Variants in TBATA observed in about 807,000 individuals in gnomAD.
TBATA encodes protein TBATA.
Under a neutral mutation model 38.7 loss-of-function variants are expected in TBATA, and 47 were observed. The ratio of observed to expected loss-of-function variants is 1.21; its 90% CI spans 0.96 to 1.55. The LOEUF is 1.55. Among genes scored for constraint, TBATA ranks in the 40% most tolerant of loss-of-function variants. The probability of loss-of-function intolerance (pLI) is 0.00; values close to 1 mark genes in which losing one functional copy is unlikely to be tolerated. For missense variants in TBATA, 436 were observed against 435.6 expected (o/e 1.00, Z -0.01); for synonymous variants, 183 against 170.5 (o/e 1.07, Z -0.57).
chr10:70,776,656 G>A (rs2254313), intron 7 of TBATA, among the ~76,000 whole-genome samples: 26,091 of 152,074 alleles, frequency 0.17, 2,663 homozygotes, highest in African/African-American at 0.27. Flanking sequence ...GACCTCTGAC[G>A]CCTTCACCCA....
chr10:70,781,751 A>T (rs1486887793), intron 4 of TBATA, 50 bp downstream of exon 4: 1 of 1,531,656 alleles, frequency 6.5e-7, no homozygotes, highest in Admixed American at 1.7e-5. Context: ...AGTTCTCAAG[A>T]CCAATTAGTG....
intron 9 of TBATA, 98 bp from the exon 10 acceptor site, chr10:70,772,664 T>A: frequency 8.0e-7 from 1 of 1,245,632 alleles, no homozygotes; most frequent in East Asian, 2.3e-5. Flanking sequence ...GTGGTGCAGG[T>A]GCAGTCAGCT....
chr10:70,774,463 T>A (rs376538725), intron 8 of TBATA, 106 bp from the exon 9 acceptor site: 8 of 1,109,192 alleles, frequency 7.2e-6, no homozygotes, highest in East Asian at 2.6e-5. Flanking sequence ...TCTCTAAGCA[T>A]CCCACCTTCT....
At chr10:70,782,159 G>T in intron 3 of TBATA, 123 bp from the exon 4 acceptor site, 1 of 1,266,566 alleles carries the variant, frequency 7.9e-7, no homozygotes, top group Non-Finnish European at 1.1e-6. Context: ...TGGTTTCCTG[G>T]GTTTCACCAC....
At chr10:70,771,510 C>T (rs1355241228) in intron 10 of TBATA, 49 bp from the exon 11 acceptor site, 3 of 1,586,540 alleles carry the variant, frequency 1.9e-6, no homozygotes, top group Admixed American at 1.7e-5. Flanking sequence ...AAGGTGGGGC[C>T]CCCACCTGGG....
rs145492231 is a variant in TBATA at position 70,780,803 on chromosome 10, C to T, written c.277+998G>A. Among the ~76,000 whole-genome samples, 384 of 152,248 alleles carry T rather than the reference C, an allele frequency of 2.5e-3. 1 individual carries two copies. Among genetic ancestry groups the T allele is most frequent in the African/African-American group, 8.8e-3 (367 of 41,554 alleles). On this transcript the variant is annotated intron_variant, in intron 4 of 10. Coordinates refer to ENST00000456372, the MANE Select transcript of TBATA (RefSeq NM_001318241.2). ...AGCCAAAAATCTAAGTCGGCCTTGACTCTTCTCTTCCTCTCACACTCCACT... is the reference window on the plus strand; with the variant it reads ...AGCCAAAAATCTAAGTCGGCCTTGATTCTTCTCTTCCTCTCACACTCCACT...
At position 70,772,279 on chromosome 10, in the gene TBATA, T is replaced by G. The variant is rs745590971; in HGVS notation, c.973+235A>C. 1.2e-5 allele frequency: 8 copies of G among 694,162 alleles called. No homozygotes were observed. In the South Asian group the frequency reaches 1.2e-4, roughly 10 times the overall value. 43.0% of individuals were successfully genotyped at this position (694,162 alleles called of 1,614,324 possible). A position where few individuals can be genotyped will look rare whatever the true frequency, so the allele number is the denominator to read the frequency against. On this transcript the variant is annotated intron_variant, in intron 10 of 10. Transcript: ENST00000456372. The stretch of plus-strand genomic sequence containing the variant: ...TATTCCTCCTTGCTGGGATGTAAGT[T>G]CCGTGACAGCAGGAACTTGTCTGAA...
intron 6 of TBATA, chr10:70,777,665 T>C: frequency 2.5e-6 from 1 of 397,400 alleles, no homozygotes. Context: ...CGCGGGTGGT[T>C]CTCGTTCTCC....
At position 70,779,573 on chromosome 10, in the gene TBATA, G is replaced by C. The variant is rs370515186; in HGVS notation, c.427+20C>G. The C allele has an allele frequency of 6.8e-5, 99 of 1,465,066 alleles. No individual in the cohort carries two copies. Among genetic ancestry groups the C allele is most frequent in the Non-Finnish European group, 8.6e-5 (96 of 1,112,548 alleles). 90.8% of individuals were successfully genotyped at this position (1,465,066 alleles called of 1,614,324 possible). ...AGGCATGAGCCCCAGGGTAGAGGGA[G>C]GCATGGCCCAAGTACCCACCAGAAG... On this transcript the variant is annotated intron_variant, in intron 5 of 10. Transcript: ENST00000456372.
intron 7 of TBATA, among the ~76,000 whole-genome samples, chr10:70,775,962 T>C (rs10740359): frequency 0.56 from 85,484 of 152,052 alleles, 24,446 homozygotes; most frequent in Admixed American, 0.6. Flanking sequence ...TCCAGTCAGT[T>C]AGCATCAGGA....
chr10:70,784,559 A>G (rs1844649943), intron 2 of TBATA, 88 bp downstream of exon 2: 1 of 152,030 alleles, frequency 6.6e-6, no homozygotes, highest in South Asian at 2.1e-4. Flanking sequence ...AGGTAGTGGG[A>G]TGGGTTGGAG....
chr10:70,781,667 C>T, intron 4 of TBATA, 134 bp downstream of exon 4: 1 of 864,470 alleles, frequency 1.2e-6, no homozygotes, highest in Non-Finnish European at 1.8e-6. Context: ...GGTTCTTTGG[C>T]AGCCCTGGGA....
At position 70,774,456 on chromosome 10, in the gene TBATA, C is replaced by G. The variant is rs7078118; in HGVS notation, c.776-99G>C. The G allele has an allele frequency of 0.013, 16,235 of 1,241,816 alleles. 1,639 individuals are homozygous for G. In the African/African-American group the frequency reaches 0.22, roughly 17 times the overall value. The allele number at this position is 1,241,816 out of a possible 1,614,324, so 76.9% of individuals were successfully genotyped here. A position where few individuals can be genotyped will look rare whatever the true frequency, so the allele number is the denominator to read the frequency against. On this transcript the variant is annotated intron_variant, in intron 8 of 10. Coordinates refer to ENST00000456372, the MANE Select transcript of TBATA (RefSeq NM_001318241.2). ...GGGCCTCCATCCAGGGCAGCTTTCT[C>G]TAAGCATCCCACCTTCTGCCCTCAG...
chr10:70,780,892 G>A (rs1844123188), intron 4 of TBATA, among the ~76,000 whole-genome samples: 1 of 152,184 alleles, frequency 6.6e-6, no homozygotes, highest in African/African-American at 2.4e-5. Flanking sequence ...GAGCCACTGA[G>A]TCTTCCACTT....
intron 4 of TBATA, among the ~76,000 whole-genome samples, chr10:70,781,474 A>C (rs1844203349): frequency 6.6e-6 from 1 of 152,240 alleles, no homozygotes; most frequent in South Asian, 2.1e-4. Flanking sequence ...GGCTGGCTGG[A>C]TGGCTGAGTG....
chr10:70,778,165 TA>T (rs1460204547), intron 6 of TBATA, among the ~76,000 whole-genome samples: 1 of 151,982 alleles, frequency 6.6e-6, no homozygotes, highest in East Asian at 2.0e-4. Flanking sequence ...TCTTGGCAAT[TA>T]AGAACAAGCT....
chr10:70,781,955 C>T lies in TBATA; in HGVS notation c.123G>A (p.Leu41=). Residue 41 remains leucine, a synonymous_variant, in exon 4 of 11, where the codon CTG becomes CTA. Coordinates refer to ENST00000456372, the MANE Select transcript of TBATA (RefSeq NM_001318241.2). The part of the protein sequence containing the change: ...SPRDSGPQKE[L]VIPGIVDFER... ...CGAAATCCACAATCCCTGGGATCAC[C>T]AGTTCTTTCTGTGGCCCACTGTCCC... is the stretch of plus-strand genomic sequence containing the variant. 6.2e-7 allele frequency: 1 copy of T among 1,614,238 alleles called. No individual in the cohort carries two copies. Among genetic ancestry groups the T allele is most frequent in the Middle Eastern group, 1.6e-4 (1 of 6,062 alleles).
At chr10:70,784,204 C>A (rs1032510451) in intron 2 of TBATA, among the ~76,000 whole-genome samples, 13 of 152,030 alleles carry the variant, frequency 8.6e-5, no homozygotes, top group African/African-American at 2.9e-4. Flanking sequence ...ATGCTAAGCA[C>A]GAAATTCACA....
chr10:70,784,075 G>A (rs533457317), intron 2 of TBATA, among the ~76,000 whole-genome samples: 2 of 152,064 alleles, frequency 1.3e-5, no homozygotes, highest in African/African-American at 4.8e-5. Flanking sequence ...GTGTTCCAGA[G>A]GACCACAAGT....
Sources: gnomAD v4.1 joint callset for allele counts (sites outside exome capture counted in the v4.1 genomes callset) on GRCh38, gnomAD v4.1.1 for gene constraint, MANE v1.5 for transcripts, NCBI Gene and HGNC (gene_info 2026-07-23, HGNC 2026-07-21) for gene names.